IGSF3: variants seen among roughly 807,000 people sequenced by gnomAD.
IGSF3 encodes the protein glu-Trp-Ile EWI motif-containing protein 3.
In IGSF3, 23 loss-of-function variants were observed where a neutral mutation model predicts 114.4. The ratio of observed to expected loss-of-function variants is 0.20; its 90% CI spans 0.14 to 0.28. The LOEUF is 0.28. IGSF3 is among the 10% of genes least tolerant of loss of function. The probability of loss-of-function intolerance (pLI) is 1.00; values close to 1 mark genes in which losing one functional copy is unlikely to be tolerated. For missense variants in IGSF3, 1,172 were observed against 1,591.5 expected (o/e 0.74, Z 4.48); for synonymous variants, 571 against 645.2 (o/e 0.88, Z 1.74).
rs371427215 is a variant in IGSF3 at position 116,614,209 on chromosome 1, C to T, written c.422-34G>A. 1.5e-5 allele frequency: 23 copies of T among 1,577,046 alleles called. No individual in the cohort carries two copies. In the African/African-American group the frequency reaches 3.0e-4, roughly 20 times the overall value. ...CAGAAATGTCCTGAGAGTGCAGTCA[C>T]AAAGCCACAGAATCTGAGACTCCCA... On this transcript the variant is annotated intron_variant, in intron 3 of 10. Transcript: ENST00000369486. This position sits in a 1 kb window ranked among gnomAD's most constrained non-coding sequence, Gnocchi z 4.5.
At chr1:116,590,631 G>A (rs1040708146) in intron 7 of IGSF3, among the ~76,000 whole-genome samples, 3 of 152,130 alleles carry the variant, frequency 2.0e-5, no homozygotes, top group Non-Finnish European at 4.4e-5. Context: ...CACTCTACTG[G>A]TCAGACTCTT....
chr1:116,600,446 A>G lies in IGSF3; in HGVS notation c.1625-101T>C, dbSNP rs57198501. 42,920 of 959,450 alleles carry G rather than the reference A, an allele frequency of 0.045. 1,544 individuals are homozygous for G. Among genetic ancestry groups the G allele is most frequent in the African/African-American group, 0.1 (6,275 of 60,744 alleles). The allele number at this position is 959,450 out of a possible 1,614,324, so 59.4% of individuals were successfully genotyped here. A position where few individuals can be genotyped will look rare whatever the true frequency, so the allele number is the denominator to read the frequency against. On this transcript the variant is annotated intron_variant, in intron 6 of 10. Transcript: ENST00000369486. This position sits in a 1 kb window ranked among gnomAD's most constrained non-coding sequence, Gnocchi z 5.5. ...CAGCTGGCAAAGCAAGCAGTGTGGGACAGAGGCTCTCGGAGCCCCTTTTGA... is the reference window on the plus strand; with the variant it reads ...CAGCTGGCAAAGCAAGCAGTGTGGGGCAGAGGCTCTCGGAGCCCCTTTTGA...
At chr1:116,630,116 G>A (rs1231570794) in intron 2 of IGSF3, among the ~76,000 whole-genome samples, 1 of 152,212 alleles carries the variant, frequency 6.6e-6, no homozygotes, top group African/African-American at 2.4e-5. Flanking sequence ...TGGAGGGAAT[G>A]GGATTTGGAA....
At position 116,585,128 on chromosome 1, in the gene IGSF3, G is replaced by T; in HGVS notation, c.2441-76C>A. 1.8e-6 allele frequency: 2 copies of T among 1,137,998 alleles called. No homozygotes were observed. The highest frequency in any genetic ancestry group is 2.5e-6 in the Non-Finnish European group (2 of 811,508). The allele number at this position is 1,137,998 out of a possible 1,614,324, so 70.5% of individuals were successfully genotyped here. A position where few individuals can be genotyped will look rare whatever the true frequency, so the allele number is the denominator to read the frequency against. ...GTACGCACCCTTTCCCAGGGTAGGT[G>T]AATGGATGCCTTCCAAATACAGAAG... is the stretch of plus-strand genomic sequence containing the variant. On this transcript the variant is annotated intron_variant, in intron 8 of 10. Coordinates refer to ENST00000369486, the MANE Select transcript of IGSF3 (RefSeq NM_001007237.3). The surrounding 1 kb of genome is among the most constrained non-coding windows in gnomAD (Gnocchi z 4.9).
In IGSF3 at chr1:116,600,136, T is replaced by C. The variant is rs772375915; in HGVS notation, c.1834A>G (p.Ser612Gly). 6 of 1,614,020 alleles carry C rather than the reference T, an allele frequency of 3.7e-6. No individual in the cohort carries two copies. In the East Asian group the frequency reaches 1.3e-4, roughly 36 times the overall value. Residue 612 changes from serine to glycine, a missense_variant, in exon 7 of 11, where the codon AGC (serine) becomes GGC (glycine). Ser to Gly is a moderately conservative substitution (Grantham distance 56, BLOSUM62 0). Around this residue, in one of 3 missense-constraint regions of IGSF3, gnomAD observed 736 missense variants for 1,042.0 expected, o/e 0.71. Coordinates refer to ENST00000369486, the MANE Select transcript of IGSF3 (RefSeq NM_001007237.3). The surrounding 1 kb of genome is among the most constrained non-coding windows in gnomAD (Gnocchi z 5.5). ...GGVQWGDRSS[S>G]FRTRTAIEKA... is the part of the protein sequence containing the mutation. ...TCGATGGCAGTTCGGGTTCGGAAGC[T>C]GGAGGACCTGTCCCCCCACTGGACC... is the stretch of plus-strand genomic sequence containing the variant.
intron 2 of IGSF3, among the ~76,000 whole-genome samples, chr1:116,635,505 G>A (rs1647785971): frequency 6.6e-6 from 1 of 152,086 alleles, no homozygotes; most frequent in African/African-American, 2.4e-5. Flanking sequence ...ACTTTTCCAG[G>A]CCTCTGCACT....
Position 116,629,402 on chromosome 1 carries a change from C to G in IGSF3, c.44-12945G>C, listed in dbSNP as rs190418630. Among the ~76,000 whole-genome samples, 6 of 152,260 alleles carry G rather than the reference C, an allele frequency of 3.9e-5. No individual in the cohort carries two copies. In the East Asian group the frequency reaches 1.2e-3, roughly 29 times the overall value. ...GTTTTTTCTTTGCACTTTGTGTTTT[C>G]TAAGTATTCCATAGTCTGAATGAAT... On this transcript the variant is annotated intron_variant, in intron 2 of 10. Coordinates refer to ENST00000369486, the MANE Select transcript of IGSF3 (RefSeq NM_001007237.3). The surrounding 1 kb of genome is among the most constrained non-coding windows in gnomAD (Gnocchi z 4.3).
At position 116,650,776 on chromosome 1, in the gene IGSF3, AGT is replaced by A. The variant is rs1322162624; in HGVS notation, c.43+15506_43+15507del. Among the ~76,000 whole-genome samples, 1 of 152,230 alleles carries A rather than the reference AGT, an allele frequency of 6.6e-6. No individual in the cohort carries two copies. The highest frequency in any genetic ancestry group is 2.4e-5 in the African/African-American group (1 of 41,450). ...AATTATCCTGTGGGTGTGAGAAAAG[AGT>A]GTGCATTATAATAGGGTGCTACAAT... On this transcript the variant is annotated intron_variant, in intron 2 of 10. Transcript: ENST00000369486. This position sits in a 1 kb window ranked among gnomAD's most constrained non-coding sequence, Gnocchi z 5.0.
Position 116,625,888 on chromosome 1 carries a change from T to C in IGSF3, c.44-9431A>G, listed in dbSNP as rs1198263318. 6.6e-6 allele frequency among the ~76,000 whole-genome samples: 1 copy of C among 152,204 alleles called. No homozygotes were observed. Among genetic ancestry groups the C allele is most frequent in the Non-Finnish European group, 1.5e-5 (1 of 68,044 alleles). The stretch of plus-strand genomic sequence containing the variant: ...CCAAAAGGACTGCAAACCCAGTAAT[T>C]CATTTCATCCCAACCTGACTGATCT... On this transcript the variant is annotated intron_variant, in intron 2 of 10. Transcript: ENST00000369486. The surrounding 1 kb of genome is among the most constrained non-coding windows in gnomAD (Gnocchi z 4.7).
chr1:116,585,836 G>T lies in IGSF3; in HGVS notation c.2441-784C>A, dbSNP rs138908750. 1.1e-4 allele frequency among the ~76,000 whole-genome samples: 16 copies of T among 152,334 alleles called. No individual in the cohort carries two copies. Among genetic ancestry groups the T allele is most frequent in the African/African-American group, 3.6e-4 (15 of 41,576 alleles). On this transcript the variant is annotated intron_variant, in intron 8 of 10. Transcript: ENST00000369486. The surrounding 1 kb of genome is among the most constrained non-coding windows in gnomAD (Gnocchi z 4.9). ...ACTCGGGAGGTGAAGGTTGCAGTGAGCTAAGATCGTGCCATTGCACACTCC... is the reference window on the plus strand; with the variant it reads ...ACTCGGGAGGTGAAGGTTGCAGTGATCTAAGATCGTGCCATTGCACACTCC...
At chr1:116,637,424 A>G (rs1409334766) in intron 2 of IGSF3, among the ~76,000 whole-genome samples, 1 of 152,140 alleles carries the variant, frequency 6.6e-6, no homozygotes, top group Non-Finnish European at 1.5e-5. Context: ...ACCCTGAAGG[A>G]GCTCATGTTC....
intron 2 of IGSF3, among the ~76,000 whole-genome samples, chr1:116,659,951 A>G (rs896188690): frequency 2.6e-5 from 4 of 151,090 alleles, no homozygotes; most frequent in Non-Finnish European, 5.9e-5. Flanking sequence ...AGGAGTCATA[A>G]CTAAGGATGC....
Position 116,579,983 on chromosome 1 carries a change from A to G in IGSF3, c.2849-106T>C, listed in dbSNP as rs1659532405. ...CACATGATAGTAACATCCATACTATAAGATATTATGCACCTATTGAAAAGG... is the reference window on the plus strand; with the variant it reads ...CACATGATAGTAACATCCATACTATGAGATATTATGCACCTATTGAAAAGG... On this transcript the variant is annotated intron_variant, in intron 9 of 10. Coordinates refer to ENST00000369486, the MANE Select transcript of IGSF3 (RefSeq NM_001007237.3). This position sits in a 1 kb window ranked among gnomAD's most constrained non-coding sequence, Gnocchi z 6.4. The G allele has an allele frequency of 2.9e-6, 3 of 1,023,976 alleles. No homozygotes were observed. The highest frequency in any genetic ancestry group is 4.2e-6 in the Non-Finnish European group (3 of 721,258). The allele number at this position is 1,023,976 out of a possible 1,614,324, so 63.4% of individuals were successfully genotyped here.
At position 116,592,284 on chromosome 1, in the gene IGSF3, A is replaced by G. The variant is rs1660146175; in HGVS notation, c.2030-3180T>C. On this transcript the variant is annotated intron_variant, in intron 7 of 10. Coordinates refer to ENST00000369486, the MANE Select transcript of IGSF3 (RefSeq NM_001007237.3). The surrounding 1 kb of genome is among the most constrained non-coding windows in gnomAD (Gnocchi z 4.5). ...GAGAGGCCATAAATGCAGACGTGAA[A>G]GAAAAGAGTGAGGCTTGGTTAACCC... Among the ~76,000 whole-genome samples the G allele has an allele frequency of 2.6e-5, 4 of 152,208 alleles. No individual in the cohort carries two copies. The highest frequency in any genetic ancestry group is 2.6e-4 in the Admixed American group (4 of 15,276).
rs754945269 is a variant in IGSF3 at position 116,584,994 on chromosome 1, C to T, written c.2499G>A (p.Gln833=). 2.5e-6 allele frequency: 4 copies of T among 1,580,586 alleles called. No individual in the cohort carries two copies. Among genetic ancestry groups the T allele is most frequent in the Non-Finnish European group, 3.5e-6 (4 of 1,157,406 alleles). ...QGNLSVLETR[Q]VQLECVVLNR... The stretch of plus-strand genomic sequence containing the variant: ...TGAGAACCACACACTCCAGCTGTAC[C>T]TGCCGGGTCTCCAGAACCGACAGGT... The change falls in exon 9 of 11, where the codon CAG becomes CAA. Residue 833 remains glutamine, a synonymous_variant. Transcript: ENST00000369486. The surrounding 1 kb of genome is among the most constrained non-coding windows in gnomAD (Gnocchi z 5.8).
Position 116,616,277 on chromosome 1 carries a change from A to C in IGSF3, c.224T>G (p.Met75Arg), listed in dbSNP as rs781164088. 6.3e-7 allele frequency: 1 copy of C among 1,598,328 alleles called. No homozygotes were observed. The change falls in exon 3 of 11, where the codon ATG (methionine) becomes AGG (arginine). Residue 75 changes from methionine (M) to arginine (R), a missense_variant. Around this residue, in one of 3 missense-constraint regions of IGSF3, gnomAD observed 736 missense variants for 1,042.0 expected, o/e 0.71. Transcript: ENST00000369486. This position sits in a 1 kb window ranked among gnomAD's most constrained non-coding sequence, Gnocchi z 6.6. ...GATGGCATAGGGGAAGGAAGAGTCC[A>C]TGGTGCTGACGATCTGCACCTCTCG... Reference protein sequence around the residue: ...PEREVQIVSTMDSSFPYAIYT... With the variant: ...PEREVQIVSTRDSSFPYAIYT...
At chr1:116,659,179 T>C (rs1649007989) in intron 2 of IGSF3, among the ~76,000 whole-genome samples, 1 of 152,118 alleles carries the variant, frequency 6.6e-6, no homozygotes, top group Non-Finnish European at 1.5e-5. Flanking sequence ...GCGGAAGACA[T>C]ACAGACTGGG....
In IGSF3 at chr1:116,608,274, G is replaced by A. The variant is rs373355041; in HGVS notation, c.890C>T (p.Pro297Leu). The change falls in exon 5 of 11, where the codon CCG (proline) becomes CTG (leucine). Residue 297 changes from proline to leucine, a missense_variant. Physicochemically the swap from Pro to Leu is moderately conservative, Grantham distance 98. Coordinates refer to ENST00000369486, the MANE Select transcript of IGSF3 (RefSeq NM_001007237.3). ...CTCCAGGATGCATCTGAACTCCACC[G>A]GCTCGCCCACCGTGTGCAGCCGCTT... ...TEKRLHTVGE[P>L]VEFRCILEAQ... 2.1e-5 allele frequency: 34 copies of A among 1,612,162 alleles called. No individual in the cohort carries two copies. Among genetic ancestry groups the A allele is most frequent in the Middle Eastern group, 1.7e-4 (1 of 6,052 alleles).
chr1:116,650,138 T>A lies in IGSF3; in HGVS notation c.43+16146A>T, dbSNP rs1648569219. ...TGAATGGTACAAGAAGAAATCCTGT[T>A]TCATGCTCCTTTGAGGGAGTGTCTA... On this transcript the variant is annotated intron_variant, in intron 2 of 10. Transcript: ENST00000369486. This position sits in a 1 kb window ranked among gnomAD's most constrained non-coding sequence, Gnocchi z 5.0. Among the ~76,000 whole-genome samples, 1 of 152,224 alleles carries A rather than the reference T, an allele frequency of 6.6e-6. No homozygotes were observed.
Sources: gnomAD v4.1 joint callset for allele counts (sites outside exome capture counted in the v4.1 genomes callset) on GRCh38, gnomAD v4.1.1 for gene constraint, gnomAD v4.1.1 regional missense constraint, Gnocchi (gnomAD v3.1) non-coding constraint, MANE v1.5 for transcripts, NCBI Gene and HGNC (gene_info 2026-07-23, HGNC 2026-07-21) for gene names.